Variants in ARFGAP3 observed in about 807,000 individuals in gnomAD.
The protein encoded by ARFGAP3 is ADP-ribosylation factor GTPase-activating protein 3.
In ARFGAP3, 72 loss-of-function variants were observed where a neutral mutation model predicts 75.0. The observed-to-expected ratio is 0.96, with a 90% CI of 0.79 to 1.17. The LOEUF (loss-of-function observed/expected upper bound fraction) is 1.17. Among genes scored for constraint, ARFGAP3 ranks in the 50% most tolerant of loss-of-function variants. ARFGAP3 has a pLI of 0.00. For missense variants in ARFGAP3, 620 were observed against 626.6 expected (o/e 0.99, Z 0.11); for synonymous variants, 221 against 217.9 (o/e 1.01, Z -0.13).
intron 14 of ARFGAP3, among the ~76,000 whole-genome samples, chr22:42,800,382 T>C (rs1402689392): frequency 1.3e-5 from 2 of 152,046 alleles, no homozygotes; most frequent in African/African-American, 4.8e-5. Context: ...ATACAAAAAA[T>C]TAGCTGGGCA....
At position 42,799,157 on chromosome 22, in the gene ARFGAP3, T is replaced by C; in HGVS notation, c.1415A>G (p.Asn472Ser). 1 of 1,614,014 alleles carries C rather than the reference T, an allele frequency of 6.2e-7. No individual in the cohort carries two copies. Among genetic ancestry groups the C allele is most frequent in the East Asian group, 2.2e-5 (1 of 44,882 alleles). ...FEEPRKQPAG[N>S]YSLSSVLPNA... Reference sequence around the variant, plus strand: ...GGGCAGCACACTGGACAGGCTGTAGTTCCCTGCACACACACAGCAGACACT... The same window carrying C: ...GGGCAGCACACTGGACAGGCTGTAGCTCCCTGCACACACACAGCAGACACT... Residue 472 changes from asparagine (N) to serine (S), a missense_variant, in exon 15 of 16, where the codon AAC (asparagine) becomes AGC (serine). Asn to Ser is a conservative substitution (Grantham distance 46, BLOSUM62 1). Coordinates refer to ENST00000263245, the MANE Select transcript of ARFGAP3 (RefSeq NM_014570.5).
chr22:42,856,955 G>A (rs1246676773), intron 1 of ARFGAP3, among the ~76,000 whole-genome samples, 159 bp downstream of exon 1: 1 of 148,876 alleles, frequency 6.7e-6, no homozygotes, highest in Non-Finnish European at 1.5e-5. Context: ...GCCCGGCCCC[G>A]CCCGCCCCGG....
chr22:42,850,227 A>G (rs1288917646), intron 1 of ARFGAP3, among the ~76,000 whole-genome samples: 2 of 152,126 alleles, frequency 1.3e-5, no homozygotes, highest in African/African-American at 2.4e-5. Context: ...TAGGGAAAAA[A>G]TTCCTCTAAT....
chr22:42,817,472 A>C (rs919876908), intron 10 of ARFGAP3: 17 of 264,840 alleles, frequency 6.4e-5, no homozygotes, highest in South Asian at 4.4e-4. Context: ...ATGCAGTCAC[A>C]AATATTGGTT....
chr22:42,800,698 C>T (rs999709104), intron 14 of ARFGAP3, among the ~76,000 whole-genome samples: 11 of 152,356 alleles, frequency 7.2e-5, no homozygotes, highest in African/African-American at 2.6e-4. Flanking sequence ...AGCTGACTGT[C>T]TAAAATCTTG....
intron 5 of ARFGAP3, among the ~76,000 whole-genome samples, chr22:42,833,172 G>A: frequency 6.6e-6 from 1 of 152,166 alleles, no homozygotes; most frequent in South Asian, 2.1e-4. Context: ...AGCACTTACT[G>A]AAGGCTTACT....
At chr22:42,823,544 A>G in intron 8 of ARFGAP3, 112 bp downstream of exon 8, 1 of 760,480 alleles carries the variant, frequency 1.3e-6, no homozygotes, top group Non-Finnish European at 2.1e-6. Context: ...CTTATATCAA[A>G]GCTACATTTA....
At chr22:42,805,606 C>T (rs1262947576) in intron 14 of ARFGAP3, among the ~76,000 whole-genome samples, 2 of 152,146 alleles carry the variant, frequency 1.3e-5, no homozygotes, top group Admixed American at 6.5e-5. Context: ...CTCACCTGCC[C>T]CCACCAAGAC....
chr22:42,828,710 G>T, intron 6 of ARFGAP3, among the ~76,000 whole-genome samples: 1 of 116,988 alleles, frequency 8.5e-6, no homozygotes, highest in South Asian at 3.1e-4. Flanking sequence ...TTCTGAGACA[G>T]AGTCCTGTTC....
chr22:42,818,737 T>G (rs918267262), intron 9 of ARFGAP3, among the ~76,000 whole-genome samples: 1 of 151,110 alleles, frequency 6.6e-6, no homozygotes, highest in Non-Finnish European at 1.5e-5. Context: ...TACCATGAAT[T>G]CCTGGCAAAA....
chr22:42,803,898 CTCTTT>C (rs1924993452), intron 14 of ARFGAP3, among the ~76,000 whole-genome samples: 1 of 143,244 alleles, frequency 7.0e-6, no homozygotes, highest in Non-Finnish European at 1.5e-5. Flanking sequence ...TCCCTCCTTC[CTCTTT>C]TTTTTTTTTT....
chr22:42,797,827 G>T (rs1165487313), intron 15 of ARFGAP3: 3 of 808,836 alleles, frequency 3.7e-6, no homozygotes, highest in Non-Finnish European at 4.5e-6. Flanking sequence ...TTCACATCCT[G>T]CCTCTGGCAT....
At chr22:42,819,298 CT>C (rs1192234408) in intron 9 of ARFGAP3, among the ~76,000 whole-genome samples, 1 of 152,148 alleles carries the variant, frequency 6.6e-6, no homozygotes, top group Non-Finnish European at 1.5e-5. Context: ...AACAATAGCT[CT>C]GTTTAAAATC....
Position 42,797,373 on chromosome 22 carries a change from T to A in ARFGAP3, c.*215A>T. 3.2e-6 allele frequency: 2 copies of A among 620,414 alleles called. No individual in the cohort carries two copies. Among genetic ancestry groups the A allele is most frequent in the Non-Finnish European group, 2.8e-6 (1 of 357,886 alleles). 38.4% of individuals were successfully genotyped at this position (620,414 alleles called of 1,614,324 possible). On this transcript the variant is annotated 3_prime_UTR_variant, in exon 16 of 16. Transcript: ENST00000263245. ...TACACAGAGACGCCAAAGGAGGGTG[T>A]GACAGGAAGGAACGTGAAACAGAAA...
rs749122444 is a variant in ARFGAP3 at position 42,840,976 on chromosome 22, G to T, written c.229C>A (p.Arg77=). 6.2e-7 allele frequency: 1 copy of T among 1,614,086 alleles called. No homozygotes were observed. The highest frequency in any genetic ancestry group is 8.5e-7 in the Non-Finnish European group (1 of 1,179,982). ...LDSNWSWFQL[R]CMQVGGNASA... ...GCGTTTCCTCCGACTTGCATGCATC[G>T]CAACTGAAACCATGACCAGTTGGAA... The change falls in exon 3 of 16, where the codon CGA becomes AGA. Residue 77 remains arginine (R), a synonymous_variant. Transcript: ENST00000263245.
chr22:42,850,863 G>A (rs981536019), intron 1 of ARFGAP3, among the ~76,000 whole-genome samples: 2 of 152,246 alleles, frequency 1.3e-5, no homozygotes, highest in Non-Finnish European at 1.5e-5. Context: ...ACATGTGACA[G>A]GTGATGAGGT....
rs1035824037 is a variant in ARFGAP3, at chr22:42,811,079, A to G, written c.1065-135T>C. On this transcript the variant is annotated intron_variant, in intron 11 of 15. Transcript: ENST00000263245. Reference sequence around the variant, plus strand: ...CACATAACTAGGTCTAGCCAATGAGACAGGAGCAGACACGAGGTGTGTCAT... The same window carrying G: ...CACATAACTAGGTCTAGCCAATGAGGCAGGAGCAGACACGAGGTGTGTCAT... 2.9e-6 allele frequency: 4 copies of G among 1,362,052 alleles called. No homozygotes were observed. In the South Asian group the frequency reaches 6.0e-5, roughly 20 times the overall value. The allele number at this position is 1,362,052 out of a possible 1,614,324, so 84.4% of individuals were successfully genotyped here. A position where few individuals can be genotyped will look rare whatever the true frequency, so the allele number is the denominator to read the frequency against.
At chr22:42,831,502 C>A in intron 6 of ARFGAP3, 47 bp downstream of exon 6, 1 of 1,572,938 alleles carries the variant, frequency 6.4e-7, no homozygotes, top group Non-Finnish European at 8.7e-7. Context: ...TCATAGCATG[C>A]CACTGAACCA....
intron 15 of ARFGAP3, among the ~76,000 whole-genome samples, chr22:42,798,533 G>A (rs1351119476): frequency 1.3e-5 from 2 of 151,950 alleles, no homozygotes; most frequent in Admixed American, 1.3e-4. Flanking sequence ...TCAATAGAAT[G>A]TGGTTTTAGG....
Sources: gnomAD v4.1 joint callset for allele counts (sites outside exome capture counted in the v4.1 genomes callset) on GRCh38, gnomAD v4.1.1 for gene constraint, MANE v1.5 for transcripts, NCBI Gene and HGNC (gene_info 2026-07-23, HGNC 2026-07-21) for gene names.